Variants in GMEB2 observed in about 807,000 individuals in gnomAD.
GMEB2 encodes the protein glucocorticoid modulatory element binding protein 2.
Under a neutral mutation model 45.7 loss-of-function variants are expected in GMEB2, and 7 were observed. The ratio of observed to expected loss-of-function variants is 0.15; its 90% CI spans 0.09 to 0.29. The LOEUF (loss-of-function observed/expected upper bound fraction) is 0.29. GMEB2 is among the 10% of genes least tolerant of loss of function. GMEB2 has a pLI of 1.00. For missense variants in GMEB2, 582 were observed against 739.2 expected, an observed-to-expected ratio of 0.79 and a Z score of 2.47; for synonymous variants, 322 against 323.6, an observed-to-expected ratio of 1.00 and a Z score of 0.05.
chr20:63,590,635 C>T lies in GMEB2; in HGVS notation c.1047G>A (p.Pro349=), dbSNP rs137882845. ...HLSNVLMTLT[P]VSLPPPVKRP... is the part of the protein sequence containing the mutation. ...GCTTCACAGGCGGTGGCAGGGAGAC[C>T]GGCGTCAGCGTCATGAGCACGTTGC... Residue 349 remains proline, a synonymous_variant, in exon 10 of 10, where the codon CCG becomes CCA. Transcript: ENST00000370077. 0.011 allele frequency: 16,704 copies of T among 1,586,912 alleles called. 676 individuals carry two copies. Among genetic ancestry groups the T allele is most frequent in the South Asian group, 0.1 (9,110 of 87,876 alleles).
At position 63,597,850 on chromosome 20, in the gene GMEB2, T is replaced by C. The variant is rs1569050235; in HGVS notation, c.368A>G (p.His123Arg). The C allele has an allele frequency of 1.9e-6, 3 of 1,597,922 alleles. No homozygotes were observed. The highest frequency in any genetic ancestry group is 1.1e-5 in the South Asian group (1 of 90,738). Residue 123 changes from histidine to arginine, a missense_variant, in exon 5 of 10, where the codon CAT (histidine) becomes CGT (arginine). This residue lies in a region of GMEB2 where 462 missense variants were observed against 586.7 expected (regional missense o/e 0.79). Transcript: ENST00000370077. Reference sequence around the variant, plus strand: ...CACAAATTCCTTTGGGCTGATTACATGCTCGTCGTACTGTGGGGGACACAG... The same window carrying C: ...CACAAATTCCTTTGGGCTGATTACACGCTCGTCGTACTGTGGGGGACACAG... ...INVKCVQYDE[H>R]VISPKEFVHL... is the part of the protein sequence containing the mutation.
At position 63,593,173 on chromosome 20, in the gene GMEB2, G is replaced by A; in HGVS notation, c.620-91C>T. Reference sequence around the variant, plus strand: ...GTCCACCCTCCTCACACCACCTTCTGAACCTTTCCATCTGTCTTCACAAAA... The same window carrying A: ...GTCCACCCTCCTCACACCACCTTCTAAACCTTTCCATCTGTCTTCACAAAA... On this transcript the variant is annotated intron_variant, in intron 6 of 9. Coordinates refer to ENST00000370077, the MANE Select transcript of GMEB2 (RefSeq NM_012384.5). This position sits in a 1 kb window ranked among gnomAD's most constrained non-coding sequence, Gnocchi z 4.7. 1 of 756,908 alleles carries A rather than the reference G, an allele frequency of 1.3e-6. No individual in the cohort carries two copies. Among genetic ancestry groups the A allele is most frequent in the Non-Finnish European group, 2.4e-6 (1 of 423,282 alleles). 46.9% of individuals were successfully genotyped at this position (756,908 alleles called of 1,614,324 possible).
intron 4 of GMEB2, among the ~76,000 whole-genome samples, chr20:63,599,191 C>T (rs1203723071): frequency 1.3e-5 from 2 of 149,414 alleles, no homozygotes; most frequent in African/African-American, 5.1e-5. Flanking sequence ...CTCCTGACCC[C>T]CCGGAGCTAA....
chr20:63,597,890 CT>C, intron 4 of GMEB2, 30 bp from the exon 5 acceptor site: 1 of 1,344,108 alleles, frequency 7.4e-7, no homozygotes, highest in Non-Finnish European at 1.1e-6. Context: ...GTGGGTCAAG[CT>C]TGGCCGGGAC....
chr20:63,595,733 G>T lies in GMEB2; in HGVS notation c.496C>A (p.Gln166Lys), dbSNP rs1353934751. 2 of 1,613,794 alleles carry T rather than the reference G, an allele frequency of 1.2e-6. No individual in the cohort carries two copies. Among genetic ancestry groups the T allele is most frequent in the Non-Finnish European group, 1.7e-6 (2 of 1,179,712 alleles). ...GTGTTGGAGCAGACCTTGTCATGCT[G>T]GTAGAAGTCCAGTTCCCCGGAGTCC... ...IMDSGELDFY[Q>K]HDKVCSNTCR... The change falls in exon 6 of 10, where the codon CAG becomes AAG. Residue 166 changes from glutamine to lysine, a missense_variant. Around this residue, in one of 3 missense-constraint regions of GMEB2, gnomAD observed 462 missense variants for 586.7 expected, o/e 0.79. Coordinates refer to ENST00000370077, the MANE Select transcript of GMEB2 (RefSeq NM_012384.5).
intron 3 of GMEB2, among the ~76,000 whole-genome samples, chr20:63,604,200 G>GAAA (rs35469694): frequency 5.6e-4 from 67 of 118,888 alleles, no homozygotes; most frequent in African/African-American, 9.2e-4. Context: ...CCTATTTCTT[G>GAAA]AAAAAAAAAA....
chr20:63,611,239 C>T (rs2089567841), intron 2 of GMEB2, among the ~76,000 whole-genome samples: 1 of 152,264 alleles, frequency 6.6e-6, no homozygotes. Context: ...ATCCCAGACC[C>T]GGCTCTTGTG....
intron 1 of GMEB2, among the ~76,000 whole-genome samples, chr20:63,626,684 G>GGAGGCCGCTGGAGGCC (rs1261863259): frequency 1.9e-4 from 29 of 151,364 alleles, no homozygotes; most frequent in Non-Finnish European, 3.4e-4. Context: ...GGTCCACCGA[G>GGAGGCCGCTGGAGGCC]GAGGCCGCTG....
At chr20:63,597,983 C>A in intron 4 of GMEB2, 123 bp from the exon 5 acceptor site, 1 of 667,464 alleles carries the variant, frequency 1.5e-6, no homozygotes, top group East Asian at 2.7e-5. Flanking sequence ...CGGCTCTGAC[C>A]GGTGCAGGCC....
Position 63,589,728 on chromosome 20 carries a change from C to T in GMEB2, c.*361G>A, listed in dbSNP as rs147252406. The T allele has an allele frequency of 3.2e-3, 677 of 213,516 alleles. 3 individuals carry two copies. Among genetic ancestry groups the T allele is most frequent in the African/African-American group, 0.015 (641 of 44,012 alleles). The allele number at this position is 213,516 out of a possible 1,614,324, so 13.2% of individuals were successfully genotyped here. The stretch of plus-strand genomic sequence containing the variant: ...CGTCCAGCACCTGCAGGGTCGCGCT[C>T]GGCACCTGGCTCTGCTTCCTCTGTC... On this transcript the variant is annotated 3_prime_UTR_variant, in exon 10 of 10. Coordinates refer to ENST00000370077, the MANE Select transcript of GMEB2 (RefSeq NM_012384.5).
At chr20:63,599,284 C>CT (rs1450534587) in intron 4 of GMEB2, among the ~76,000 whole-genome samples, 1 of 152,212 alleles carries the variant, frequency 6.6e-6, no homozygotes, top group Non-Finnish European at 1.5e-5. Flanking sequence ...GCTCTCATCT[C>CT]TGAGGCCCTC....
At chr20:63,604,572 T>A (rs1569053458) in intron 3 of GMEB2, among the ~76,000 whole-genome samples, 171 bp downstream of exon 3, 1 of 152,184 alleles carries the variant, frequency 6.6e-6, no homozygotes, top group Non-Finnish European at 1.5e-5. Flanking sequence ...ACATGGCAGG[T>A]TCCACCTGGG....
At chr20:63,616,948 C>T (rs1317188266) in intron 2 of GMEB2, among the ~76,000 whole-genome samples, 2 of 151,810 alleles carry the variant, frequency 1.3e-5, no homozygotes, top group African/African-American at 4.8e-5. Flanking sequence ...TAAGTTGGCC[C>T]TCATCCAGTA....
chr20:63,624,776 C>T (rs1268943613), intron 1 of GMEB2, among the ~76,000 whole-genome samples: 4 of 152,140 alleles, frequency 2.6e-5, no homozygotes, highest in African/African-American at 9.7e-5. Flanking sequence ...GGCCCGATCT[C>T]GGCTCAATGC....
intron 2 of GMEB2, among the ~76,000 whole-genome samples, chr20:63,618,499 T>G (rs1244283798): frequency 1.3e-5 from 2 of 151,790 alleles, no homozygotes; most frequent in Admixed American, 1.3e-4. Context: ...CCAAGGGAGG[T>G]CTGACCTACA....
chr20:63,600,961 G>A (rs1026452552), intron 4 of GMEB2, among the ~76,000 whole-genome samples: 10 of 152,168 alleles, frequency 6.6e-5, no homozygotes, highest in Non-Finnish European at 1.0e-4. Context: ...AAGATGGATC[G>A]CTGGGTTAAG....
At chr20:63,608,599 A>C (rs371763144) in intron 2 of GMEB2, among the ~76,000 whole-genome samples, 5 of 22,896 alleles carry the variant, frequency 2.2e-4, no homozygotes, top group South Asian at 2.4e-3. Context: ...CTGACCCCAC[A>C]TCCATTTCTA....
chr20:63,591,284 G>A (rs1178634570), intron 9 of GMEB2, among the ~76,000 whole-genome samples: 1 of 151,926 alleles, frequency 6.6e-6, no homozygotes, highest in African/African-American at 2.4e-5. Context: ...ACTGAACACA[G>A]TGAACACACA....
Position 63,619,541 on chromosome 20 carries a change from C to G in GMEB2, c.-57-87G>C, listed in dbSNP as rs1391934704. The G allele has an allele frequency of 1.4e-6, 1 of 716,944 alleles. No individual in the cohort carries two copies. Among genetic ancestry groups the G allele is most frequent in the Non-Finnish European group, 2.2e-6 (1 of 462,540 alleles). 44.4% of individuals were successfully genotyped at this position (716,944 alleles called of 1,614,324 possible). On this transcript the variant is annotated intron_variant, in intron 1 of 9. Coordinates refer to ENST00000370077, the MANE Select transcript of GMEB2 (RefSeq NM_012384.5). This position sits in a 1 kb window ranked among gnomAD's most constrained non-coding sequence, Gnocchi z 4.6. ...TCACAAAGGCATCTCTAATCAGCTC[C>G]AAAGACCCACCCTTGAGTCCCAGAC...
Sources: gnomAD v4.1 joint callset for allele counts (sites outside exome capture counted in the v4.1 genomes callset) on GRCh38, gnomAD v4.1.1 for gene constraint, gnomAD v4.1.1 regional missense constraint, Gnocchi (gnomAD v3.1) non-coding constraint, MANE v1.5 for transcripts, NCBI Gene and HGNC (gene_info 2026-07-23, HGNC 2026-07-21) for gene names.